FAM53A: variants seen among roughly 807,000 people sequenced by gnomAD.
FAM53A encodes the protein protein FAM53A.
A neutral mutation model predicts 26.6 loss-of-function variants in FAM53A; 28 were observed. The ratio of observed to expected loss-of-function variants is 1.05; its 90% CI spans 0.78 to 1.45. The LOEUF is 1.45. Ranked by LOEUF, FAM53A falls within the 40% of genes most tolerant of loss-of-function variation. The pLI is 0.00. For missense variants in FAM53A, 650 were observed against 575.8 expected, an observed-to-expected ratio of 1.13 and a Z score of -1.32; for synonymous variants, 290 against 253.1, an observed-to-expected ratio of 1.15 and a Z score of -1.38.
At chr4:1,674,695 T>C (rs1263626603) in intron 1 of FAM53A, among the ~76,000 whole-genome samples, 1 of 151,728 alleles carries the variant, frequency 6.6e-6, no homozygotes, top group African/African-American at 2.4e-5. Context: ...TACAATAGCA[T>C]CTGCAAAGAC....
the FAM53A span, among the ~76,000 whole-genome samples, chr4:1,581,291 C>G: frequency 6.6e-6 from 1 of 152,134 alleles, no homozygotes; most frequent in African/African-American, 2.4e-5. Context: ...CTCAGGGCCC[C>G]GCCTGCGGCC....
downstream of FAM53A, among the ~76,000 whole-genome samples, chr4:1,634,965 A>C (rs777574902): frequency 3.9e-5 from 6 of 152,104 alleles, no homozygotes; most frequent in Non-Finnish European, 5.9e-5. Flanking sequence ...GAAGATTTTA[A>C]ACTACTGTTT....
At chr4:1,673,550 T>C (rs798739) in intron 1 of FAM53A, among the ~76,000 whole-genome samples, 39,803 of 152,036 alleles carry the variant, frequency 0.26, 6,091 homozygotes, top group Middle Eastern at 0.42. Flanking sequence ...TGGGCCAACA[T>C]GGTGAAACCC....
intron 2 of FAM53A, among the ~76,000 whole-genome samples, chr4:1,661,659 A>G (rs1347152399): frequency 5.3e-5 from 4 of 75,904 alleles, no homozygotes; most frequent in Admixed American, 1.9e-4. Context: ...GACCCCGCCC[A>G]TCTTCCAGCA....
chr4:1,617,484 C>T (rs1218367163), downstream of FAM53A, among the ~76,000 whole-genome samples: 1 of 152,162 alleles, frequency 6.6e-6, no homozygotes, highest in East Asian at 1.9e-4. Flanking sequence ...ATAAACATTT[C>T]CTTTACATTT....
chr4:1,649,558 G>A (rs530017667), intron 4 of FAM53A, among the ~76,000 whole-genome samples: 1 of 152,392 alleles, frequency 6.6e-6, no homozygotes, highest in East Asian at 1.9e-4. Flanking sequence ...AGGGCTCTGT[G>A]GGGCCCGCTC....
At chr4:1,604,516 G>GC in the FAM53A span, among the ~76,000 whole-genome samples, 7 of 152,070 alleles carry the variant, frequency 4.6e-5, no homozygotes, top group Non-Finnish European at 7.4e-5. Context: ...ACCCCAGGGA[G>GC]CCCCCCACTC....
chr4:1,670,098 A>G (rs1341490687), intron 1 of FAM53A, among the ~76,000 whole-genome samples: 1 of 152,162 alleles, frequency 6.6e-6, no homozygotes, highest in Non-Finnish European at 1.5e-5. Context: ...CCCCATCAGA[A>G]GGACCGCCCG....
chr4:1,588,205 C>G, the FAM53A span, among the ~76,000 whole-genome samples: 1 of 152,316 alleles, frequency 6.6e-6, no homozygotes, highest in East Asian at 1.9e-4. Flanking sequence ...ATTCCTAGGT[C>G]CTCAATTGTT....
the FAM53A span, among the ~76,000 whole-genome samples, chr4:1,576,644 A>G: frequency 1.3e-5 from 2 of 152,358 alleles, no homozygotes; most frequent in Non-Finnish European, 2.9e-5. Context: ...GTTACGGTAA[A>G]TCTGCTCCAG....
intron 1 of FAM53A, among the ~76,000 whole-genome samples, chr4:1,680,575 G>T (rs11735328): frequency 6.6e-6 from 1 of 152,154 alleles, no homozygotes. Context: ...AAACAACCAA[G>T]ATTTCCTGTA....
chr4:1,613,217 A>C (rs1315184304), downstream of FAM53A, among the ~76,000 whole-genome samples: 5 of 152,234 alleles, frequency 3.3e-5, no homozygotes, highest in African/African-American at 1.2e-4. Flanking sequence ...TGAGTAATTT[A>C]CAAAGAACAG....
the FAM53A span, among the ~76,000 whole-genome samples, chr4:1,589,369 T>G: frequency 6.6e-6 from 1 of 152,196 alleles, no homozygotes; most frequent in Admixed American, 6.5e-5. Context: ...CACTTGGGGT[T>G]GGTTGGTTAT....
At chr4:1,649,360 G>A (rs1387660458) in intron 4 of FAM53A, among the ~76,000 whole-genome samples, 1 of 152,218 alleles carries the variant, frequency 6.6e-6, no homozygotes, top group Non-Finnish European at 1.5e-5. Context: ...GGGGTGGGAG[G>A]CACCAGAGCC....
the FAM53A span, among the ~76,000 whole-genome samples, chr4:1,576,340 C>T: frequency 1.3e-5 from 2 of 152,212 alleles, no homozygotes; most frequent in Admixed American, 6.5e-5. Context: ...TGATCAGTGG[C>T]GGCAGTAATC....
intron 2 of FAM53A, among the ~76,000 whole-genome samples, chr4:1,660,824 T>C (rs1305962889): frequency 6.6e-6 from 1 of 150,422 alleles, no homozygotes; most frequent in Non-Finnish European, 1.5e-5. Context: ...GAGCTTGCAG[T>C]GAGCGGAGAT....
chr4:1,617,097 A>AG, downstream of FAM53A, among the ~76,000 whole-genome samples: 1 of 149,972 alleles, frequency 6.7e-6, no homozygotes, highest in African/African-American at 2.5e-5. Flanking sequence ...AGATAGCACC[A>AG]CTGCACTCCA....
rs150298583 is a variant in FAM53A at position 1,673,400 on chromosome 4, G to A, written c.-164-4495C>T. Among the ~76,000 whole-genome samples, 9 of 152,316 alleles carry A rather than the reference G, an allele frequency of 5.9e-5. No individual in the cohort carries two copies. The East Asian group carries it at 1.5e-3, about 26-fold the overall frequency. On this transcript the variant is annotated intron_variant, in intron 1 of 4. Transcript: ENST00000308132. ...ACGCCCTCGACAGAGAAACGATGAC[G>A]TGTGTGCAAGAGTCACACGCTCATA... is the stretch of plus-strand genomic sequence containing the variant.
chr4:1,683,859 C>A (rs1715625620), intron 1 of FAM53A: 1 of 152,238 alleles, frequency 6.6e-6, no homozygotes. Context: ...GCAGAAAAAG[C>A]GGCTTCGGAA....
Sources: gnomAD v4.1 joint callset for allele counts (sites outside exome capture counted in the v4.1 genomes callset) on GRCh38, gnomAD v4.1.1 for gene constraint, MANE v1.5 for transcripts, NCBI Gene and HGNC (gene_info 2026-07-23, HGNC 2026-07-21) for gene names.